Variants in FRAS1 observed in about 807,000 individuals in gnomAD.
The protein encoded by FRAS1 is Fraser extracellular matrix complex subunit 1.
Under a neutral mutation model 435.2 loss-of-function variants are expected in FRAS1, and 290 were observed. That is an observed-to-expected ratio of 0.67 (90% CI 0.61 to 0.73). The LOEUF is 0.73. Among genes scored for constraint, FRAS1 ranks in the 30% least tolerant of loss-of-function variants. FRAS1 has a pLI of 0.00. For synonymous variants in FRAS1, 1,800 were observed against 1,851.0 expected (o/e 0.97, Z 0.71); for missense variants, 4,860 against 5,001.5 (o/e 0.97, Z 0.85).
intron 30 of FRAS1, among the ~76,000 whole-genome samples, chr4:78,401,620 C>T (rs1405876895): frequency 6.6e-6 from 1 of 151,668 alleles, no homozygotes; most frequent in Non-Finnish European, 1.5e-5. Context: ...AAAGCCAGGA[C>T]TCTGGAAGGA....
At chr4:78,260,527 T>A (rs1220340556) in intron 6 of FRAS1, among the ~76,000 whole-genome samples, 1 of 151,540 alleles carries the variant, frequency 6.6e-6, no homozygotes, top group African/African-American at 2.4e-5. Flanking sequence ...TGTATAAGAA[T>A]GCTTGTGATT....
At chr4:78,081,289 T>A (rs1740882734) in intron 2 of FRAS1, among the ~76,000 whole-genome samples, 1 of 152,164 alleles carries the variant, frequency 6.6e-6, no homozygotes, top group Non-Finnish European at 1.5e-5. Flanking sequence ...TCTGTGTTGT[T>A]TGCTACTCAC....
At chr4:78,098,975 T>A (rs72860615) in intron 2 of FRAS1, among the ~76,000 whole-genome samples, 5 of 152,108 alleles carry the variant, frequency 3.3e-5, no homozygotes, top group African/African-American at 1.2e-4. Flanking sequence ...GCAGGGGAGA[T>A]GTAACAGCAG....
At chr4:78,386,612 G>T (rs1483486936) in intron 28 of FRAS1, among the ~76,000 whole-genome samples, 2 of 152,090 alleles carry the variant, frequency 1.3e-5, no homozygotes, top group Non-Finnish European at 2.9e-5. Context: ...CACTTCAAAT[G>T]ATATTTTTTT....
intron 61 of FRAS1, among the ~76,000 whole-genome samples, chr4:78,503,894 CAGAGATTCT>C (rs1578362091): frequency 6.6e-6 from 1 of 152,182 alleles, no homozygotes; most frequent in African/African-American, 2.4e-5. Flanking sequence ...AAATGTGTCC[CAGAGATTCT>C]GGTACATTGT....
Position 78,282,475 on chromosome 4 carries a change from C to G in FRAS1, c.1108-345C>G, listed in dbSNP as rs368408689. On this transcript the variant is annotated intron_variant, in intron 11 of 73. Transcript: ENST00000512123. ...TGCTAATCACCAGCTACACAGTAAT[C>G]TCCTTTGATGTTTTTGGTGAAAGAG... is the stretch of plus-strand genomic sequence containing the variant. Among the ~76,000 whole-genome samples the G allele has an allele frequency of 9.6e-4, 146 of 152,322 alleles. 3 individuals are homozygous for G. In the South Asian group the frequency reaches 0.029, roughly 30 times the overall value.
intron 33 of FRAS1, among the ~76,000 whole-genome samples, chr4:78,420,442 T>C (rs951360213): frequency 1.0e-4 from 11 of 108,504 alleles, no homozygotes; most frequent in African/African-American, 1.2e-4. Context: ...GCCTGACATG[T>C]GCCCTCCTTT....
rs1360936033 is a variant in FRAS1 at position 78,475,589 on chromosome 4, G to A, written c.7834G>A (p.Val2612Ile). The change falls in exon 54 of 74, where the codon GTA becomes ATA. Residue 2612 changes from valine (V) to isoleucine (I), a missense_variant. Physicochemically the swap from Val to Ile is conservative, Grantham distance 29 (BLOSUM62 3). Transcript: ENST00000512123. ...VSSQPGQQDY[V>I]EYAGQVQFDE... ...CTCCCAACCTGGGCAACAGGACTAT[G>A]TAGAGTATGCTGGCCAGGTAGGTGG... 3 of 1,600,142 alleles carry A rather than the reference G, an allele frequency of 1.9e-6. No homozygotes were observed. Among genetic ancestry groups the A allele is most frequent in the South Asian group, 2.2e-5 (2 of 89,340 alleles).
chr4:78,280,331 C>G (rs1331586599), intron 10 of FRAS1, among the ~76,000 whole-genome samples: 1 of 152,138 alleles, frequency 6.6e-6, no homozygotes, highest in Non-Finnish European at 1.5e-5. Flanking sequence ...CGGGTGGCAT[C>G]TACAGCATGG....
At chr4:78,483,799 A>ATATATATATATATATATAT (rs1560753038) in intron 58 of FRAS1, among the ~76,000 whole-genome samples, 829 of 66,998 alleles carry the variant, frequency 0.012, 89 homozygotes, top group Admixed American at 0.02. Context: ...TATATATATA[A>ATATATATATATATATATAT]AATTATGTAT....
At chr4:78,325,352 T>C (rs1041004018) in intron 18 of FRAS1, among the ~76,000 whole-genome samples, 1 of 152,216 alleles carries the variant, frequency 6.6e-6, no homozygotes, top group African/African-American at 2.4e-5. Flanking sequence ...ATTTTGATCA[T>C]TTAGTTGTTG....
intron 2 of FRAS1, among the ~76,000 whole-genome samples, chr4:78,159,687 C>A (rs1219441589): frequency 6.6e-6 from 1 of 152,110 alleles, no homozygotes. Flanking sequence ...TCGAGACCAG[C>A]CTGGCCAACA....
rs904352444 is a variant in FRAS1 at position 78,534,371 on chromosome 4, G to A, written c.10926-78G>A. The A allele has an allele frequency of 2.5e-6, 3 of 1,197,892 alleles. No individual in the cohort carries two copies. In the African/African-American group the frequency reaches 4.5e-5, roughly 18 times the overall value. 74.2% of individuals were successfully genotyped at this position (1,197,892 alleles called of 1,614,324 possible). ...CTGTGTACAATCCTGTGGAGGGTGG[G>A]GAAGGGAGGGTGACTCAAATGACAT... is the stretch of plus-strand genomic sequence containing the variant. On this transcript the variant is annotated intron_variant, in intron 70 of 73. Transcript: ENST00000512123.
chr4:78,132,969 T>G (rs561560377), intron 2 of FRAS1, among the ~76,000 whole-genome samples: 3 of 152,206 alleles, frequency 2.0e-5, no homozygotes, highest in Non-Finnish European at 4.4e-5. Context: ...CAGCCCTCCT[T>G]TCATATATAA....
rs1010518114 is a variant in FRAS1, at chr4:78,239,084, T to C, written c.216+1467T>C. ...GGCTGCAACAATAGCATTGTATAGT[T>C]GCCATGTAGACCATGTGTGACTCTC... On this transcript the variant is annotated intron_variant, in intron 3 of 73. Transcript: ENST00000512123. 2.0e-5 allele frequency among the ~76,000 whole-genome samples: 3 copies of C among 152,238 alleles called. No individual in the cohort carries two copies. In the East Asian group the frequency reaches 5.8e-4, roughly 29 times the overall value.
chr4:78,367,921 T>C (rs1239458793), intron 22 of FRAS1, among the ~76,000 whole-genome samples: 4 of 152,206 alleles, frequency 2.6e-5, no homozygotes, highest in Admixed American at 6.5e-5. Flanking sequence ...AAAATATTGA[T>C]CAAGTAAGAA....
intron 2 of FRAS1, among the ~76,000 whole-genome samples, chr4:78,192,899 TG>T (rs1722613923): frequency 2.6e-5 from 4 of 152,258 alleles, no homozygotes; most frequent in Non-Finnish European, 5.9e-5. Flanking sequence ...TGCTTTCTCT[TG>T]TGGGCATTTG....
At chr4:78,388,460 T>C (rs1346355071) in intron 29 of FRAS1, among the ~76,000 whole-genome samples, 2 of 151,882 alleles carry the variant, frequency 1.3e-5, no homozygotes, top group Non-Finnish European at 2.9e-5. Flanking sequence ...GAGCAAACTC[T>C]TTTGGTAATC....
At chr4:78,140,271 T>A (rs753483767) in intron 2 of FRAS1, among the ~76,000 whole-genome samples, 1 of 152,154 alleles carries the variant, frequency 6.6e-6, no homozygotes, top group Non-Finnish European at 1.5e-5. Context: ...AATAACCACA[T>A]ATATTTAGTC....
Sources: gnomAD v4.1 joint callset for allele counts (sites outside exome capture counted in the v4.1 genomes callset) on GRCh38, gnomAD v4.1.1 for gene constraint, MANE v1.5 for transcripts, NCBI Gene and HGNC (gene_info 2026-07-23, HGNC 2026-07-21) for gene names.